The following GXYLT2 variants were observed in gnomAD, a reference collection of about 807,000 sequenced individuals.
The protein encoded by GXYLT2 is glucoside xylosyltransferase 2.
A neutral mutation model predicts 45.8 loss-of-function variants in GXYLT2; 53 were observed. The observed-to-expected ratio is 1.16, with a 90% confidence interval of 0.93 to 1.46. The LOEUF (loss-of-function observed/expected upper bound fraction) is 1.46. GXYLT2 is among the 40% of genes most tolerant of loss of function. The pLI is 0.00. For synonymous variants in GXYLT2, 219 were observed against 214.2 expected (o/e 1.02, Z -0.19); for missense variants, 551 against 544.4 (o/e 1.01, Z -0.12).
At chr3:72,898,023 G>T (rs1709325803) in intron 1 of GXYLT2, among the ~76,000 whole-genome samples, 2 of 152,094 alleles carry the variant, frequency 1.3e-5, no homozygotes, top group African/African-American at 4.8e-5. Context: ...CATATATTGG[G>T]TATAACTCTG....
intron 3 of GXYLT2, among the ~76,000 whole-genome samples, chr3:72,954,399 CTGTGTG>C (rs3078688): frequency 3.7e-4 from 49 of 133,892 alleles, no homozygotes; most frequent in Admixed American, 8.4e-4. Context: ...TGCTCCCAGC[CTGTGTG>C]TGTGTGTGTG....
At chr3:72,934,447 C>T (rs1432310691) in intron 3 of GXYLT2, among the ~76,000 whole-genome samples, 1 of 152,026 alleles carries the variant, frequency 6.6e-6, no homozygotes, top group Non-Finnish European at 1.5e-5. Flanking sequence ...TATTTACCAA[C>T]CTTGACTTGA....
intron 3 of GXYLT2, among the ~76,000 whole-genome samples, chr3:72,951,022 G>A (rs1710514087): frequency 6.6e-6 from 1 of 151,962 alleles, no homozygotes; most frequent in Admixed American, 6.6e-5. Context: ...AGGCCTCATT[G>A]CTAGTGCTGG....
At chr3:72,938,185 C>T (rs1425676753) in intron 3 of GXYLT2, among the ~76,000 whole-genome samples, 1 of 152,152 alleles carries the variant, frequency 6.6e-6, no homozygotes, top group Admixed American at 6.5e-5. Flanking sequence ...AGAAGGCACT[C>T]TGTAAAACTC....
intron 3 of GXYLT2, among the ~76,000 whole-genome samples, chr3:72,924,410 C>G (rs1709882302): frequency 6.6e-6 from 1 of 151,872 alleles, no homozygotes; most frequent in Non-Finnish European, 1.5e-5. Context: ...CCAGCCTGGT[C>G]ACATACTCCT....
At chr3:72,949,726 G>A (rs1255101270) in intron 3 of GXYLT2, among the ~76,000 whole-genome samples, 1 of 151,628 alleles carries the variant, frequency 6.6e-6, no homozygotes, top group East Asian at 2.0e-4. Flanking sequence ...CGTTGGCCAG[G>A]ATGGTCTTTA....
chr3:72,912,505 A>G lies in GXYLT2; in HGVS notation c.468+3946A>G, dbSNP rs116344377. 3.9e-3 allele frequency among the ~76,000 whole-genome samples: 589 copies of G among 152,308 alleles called. 6 individuals are homozygous for G. Among genetic ancestry groups the G allele is most frequent in the African/African-American group, 0.013 (556 of 41,572 alleles). On this transcript the variant is annotated intron_variant, in intron 2 of 6. Coordinates refer to ENST00000389617, the MANE Select transcript of GXYLT2 (RefSeq NM_001080393.2). ...GTAATTGGTTATAAGGCAACAGTTA[A>G]TATATTACATATATATGTACATACA...
intron 1 of GXYLT2, among the ~76,000 whole-genome samples, chr3:72,889,998 C>T (rs1264831608): frequency 1.3e-5 from 2 of 151,710 alleles, no homozygotes; most frequent in Non-Finnish European, 2.9e-5. Flanking sequence ...CGCTGCCTCC[C>T]GGGTTCAGGC....
At chr3:72,969,144 T>G (rs1710935258) in intron 6 of GXYLT2, among the ~76,000 whole-genome samples, 2 of 150,472 alleles carry the variant, frequency 1.3e-5, no homozygotes, top group South Asian at 4.2e-4. Flanking sequence ...GAAAATAGGG[T>G]GGGAATGCAG....
In GXYLT2 at chr3:72,888,309, C is replaced by A. The variant is rs1334285351; in HGVS notation, c.76C>A (p.Arg26Ser). The A allele has an allele frequency of 1.0e-6, 1 of 988,212 alleles. No individual in the cohort carries two copies. The highest frequency in any genetic ancestry group is 1.2e-6 in the Non-Finnish European group (1 of 834,052). 61.2% of individuals were successfully genotyped at this position (988,212 alleles called of 1,614,324 possible). Residue 26 changes from arginine to serine, a missense_variant, in exon 1 of 7, where the codon CGC (arginine) becomes AGC (serine). Physicochemically the swap from Arg to Ser is moderately radical, Grantham distance 110 (BLOSUM62 -1). Coordinates refer to ENST00000389617, the MANE Select transcript of GXYLT2 (RefSeq NM_001080393.2). ...GCTGCTGCTGGCGCTGCTGTCCCTG[C>A]GCGCTGGCCGCGCTGAGCCCCCAGC... ...AALLLALLSLRAGRAEPPALP... is the reference protein window; with the variant it reads ...AALLLALLSLSAGRAEPPALP...
At chr3:72,928,996 C>A in intron 3 of GXYLT2, 28 of 1,174,052 alleles carry the variant, frequency 2.4e-5, no homozygotes, top group Non-Finnish European at 3.5e-5. Context: ...GGCCCGCCGC[C>A]GCTCCAGCGC....
At chr3:72,951,006 A>T (rs185341722) in intron 3 of GXYLT2, among the ~76,000 whole-genome samples, 152 of 152,306 alleles carry the variant, frequency 1.0e-3, no homozygotes, top group Non-Finnish European at 8.4e-4. Context: ...CACTCTAAAA[A>T]AACAAAGGCC....
intron 5 of GXYLT2, among the ~76,000 whole-genome samples, chr3:72,961,674 A>AAAAAAAAAAAG (rs1278781750): frequency 2.6e-4 from 31 of 118,998 alleles, no homozygotes; most frequent in Non-Finnish European, 4.1e-4. Context: ...AAAAAAAAAA[A>AAAAAAAAAAAG]AGAGAGAGAG....
chr3:72,975,423 CTGTGAAAATAGCTTT>C lies in GXYLT2; in HGVS notation c.*270_*284del, dbSNP rs1182176629. The C allele has an allele frequency of 6.8e-6, 2 of 295,460 alleles. No individual in the cohort carries two copies. Among genetic ancestry groups the C allele is most frequent in the Non-Finnish European group, 1.2e-5 (2 of 162,578 alleles). The allele number at this position is 295,460 out of a possible 1,614,324, so 18.3% of individuals were successfully genotyped here. A position where few individuals can be genotyped will look rare whatever the true frequency, so the allele number is the denominator to read the frequency against. Reference sequence around the variant, plus strand: ...ACATTGTTTAAGCAGGTTGAGCTAGCTGTGAAAATAGCTTTTGTGAGCCTTCTAATTCCTAAACGT... The same window carrying C: ...ACATTGTTTAAGCAGGTTGAGCTAGCTGTGAGCCTTCTAATTCCTAAACGT... On this transcript the variant is annotated 3_prime_UTR_variant, in exon 7 of 7. Coordinates refer to ENST00000389617, the MANE Select transcript of GXYLT2 (RefSeq NM_001080393.2).
At chr3:72,948,919 G>A (rs191751317) in intron 3 of GXYLT2, among the ~76,000 whole-genome samples, 36 of 152,120 alleles carry the variant, frequency 2.4e-4, no homozygotes, top group Admixed American at 2.3e-3. Context: ...GGGAGCCCAG[G>A]GAACAGAACT....
At chr3:72,958,629 CTTTTT>C (rs760548760) in intron 5 of GXYLT2, among the ~76,000 whole-genome samples, 2 of 108,732 alleles carry the variant, frequency 1.8e-5, no homozygotes, top group Non-Finnish European at 3.7e-5. Flanking sequence ...TCACTTGTGG[CTTTTT>C]TTTTTTTTTT....
chr3:72,894,708 G>T (rs1709250426), intron 1 of GXYLT2, among the ~76,000 whole-genome samples: 2 of 152,206 alleles, frequency 1.3e-5, no homozygotes, highest in Admixed American at 6.5e-5. Context: ...CTATACAGGG[G>T]ATTAAGGCCT....
chr3:72,905,180 C>T (rs540551351), intron 1 of GXYLT2, among the ~76,000 whole-genome samples: 3 of 151,926 alleles, frequency 2.0e-5, no homozygotes, highest in South Asian at 2.1e-4. Context: ...TGCAGTGGCA[C>T]GATCTCAGCT....
chr3:72,966,869 C>G (rs1363100987), intron 5 of GXYLT2, among the ~76,000 whole-genome samples: 1 of 152,110 alleles, frequency 6.6e-6, no homozygotes, highest in African/African-American at 2.4e-5. Context: ...AGGTGATTTG[C>G]CTGCCTTGGC....
Sources: allele counts gnomAD v4.1 joint callset (sites outside exome capture counted in the v4.1 genomes callset), GRCh38; gene constraint gnomAD v4.1.1; transcripts MANE v1.5; gene names NCBI Gene and HGNC (gene_info 2026-07-23, HGNC 2026-07-21).